Variants in GRIN2A observed in about 807,000 individuals in gnomAD.
GRIN2A encodes glutamate receptor ionotropic, NMDA 2A.
A neutral mutation model predicts 113.4 loss-of-function variants in GRIN2A; 22 were observed. That is an observed-to-expected ratio of 0.19 (90% CI 0.14 to 0.28). The LOEUF is 0.28. Ranked by LOEUF, GRIN2A falls within the 10% of genes least tolerant of loss-of-function variation. The pLI is 1.00. For missense variants in GRIN2A, 1,502 were observed against 1,887.0 expected, an observed-to-expected ratio of 0.80 and a Z score of 3.78; for synonymous variants, 827 against 738.4, an observed-to-expected ratio of 1.12 and a Z score of -1.94.
chr16:10,048,301 T>C (rs540876072), intron 2 of GRIN2A, among the ~76,000 whole-genome samples: 1 of 152,198 alleles, frequency 6.6e-6, no homozygotes, highest in Non-Finnish European at 1.5e-5. Flanking sequence ...TAAGCAATTA[T>C]TCCTTTTAAT....
intron 2 of GRIN2A, among the ~76,000 whole-genome samples, chr16:10,081,144 T>G (rs1159541424): frequency 6.6e-6 from 1 of 152,192 alleles, no homozygotes. Flanking sequence ...TTTCCGAGGC[T>G]CTTACATGCT....
At chr16:9,946,871 C>A (rs2045030084) in intron 2 of GRIN2A, among the ~76,000 whole-genome samples, 1 of 152,168 alleles carries the variant, frequency 6.6e-6, no homozygotes, top group African/African-American at 2.4e-5. Flanking sequence ...TCGAGAGTTA[C>A]CAAGTTCTGA....
chr16:9,817,834 G>A (rs1449017014), intron 10 of GRIN2A, among the ~76,000 whole-genome samples: 2 of 152,192 alleles, frequency 1.3e-5, no homozygotes, highest in Non-Finnish European at 2.9e-5. Flanking sequence ...ACGTGTGGGT[G>A]GAGCAGTGAG....
chr16:9,976,918 A>C (rs901765308), intron 2 of GRIN2A, among the ~76,000 whole-genome samples: 1 of 152,178 alleles, frequency 6.6e-6, no homozygotes, highest in African/African-American at 2.4e-5. Context: ...TGGAATACAA[A>C]ATAGTTTTCT....
chr16:9,867,060 C>T (rs527741029), intron 4 of GRIN2A, among the ~76,000 whole-genome samples: 6 of 152,088 alleles, frequency 3.9e-5, no homozygotes, highest in Non-Finnish European at 8.8e-5. Flanking sequence ...CAACTTAGAC[C>T]TCTTTATCCA....
chr16:9,857,043 T>A lies in GRIN2A; in HGVS notation c.1123-7082A>T, dbSNP rs558052129. 1.8e-4 allele frequency among the ~76,000 whole-genome samples: 27 copies of A among 152,304 alleles called. 1 individual carries two copies. The highest frequency in any genetic ancestry group is 1.3e-3 in the Admixed American group (20 of 15,304). ...GTGGTGTTCTACCTGTGTCGTCTTA[T>A]AACCTCGGTGTAATTATAAGAAAAC... On this transcript the variant is annotated intron_variant, in intron 4 of 12. Transcript: ENST00000330684.
intron 2 of GRIN2A, among the ~76,000 whole-genome samples, chr16:10,102,069 A>G (rs1341834670): frequency 6.6e-6 from 1 of 152,244 alleles, no homozygotes; most frequent in Non-Finnish European, 1.5e-5. Context: ...TCTAATCATC[A>G]CACGAACTCC....
chr16:9,901,896 G>A (rs1245934927), intron 3 of GRIN2A, among the ~76,000 whole-genome samples: 1 of 152,208 alleles, frequency 6.6e-6, no homozygotes, highest in African/African-American at 2.4e-5. Context: ...CCCTGAATAT[G>A]TGAGTAAGAG....
intron 2 of GRIN2A, among the ~76,000 whole-genome samples, chr16:10,004,863 G>A (rs1188379449): frequency 6.6e-6 from 1 of 152,158 alleles, no homozygotes; most frequent in Non-Finnish European, 1.5e-5. Flanking sequence ...TACTCACAAG[G>A]TCAAGGAATT....
At chr16:9,767,037 C>T (rs138719669) in intron 12 of GRIN2A, among the ~76,000 whole-genome samples, 429 of 152,312 alleles carry the variant, frequency 2.8e-3, no homozygotes, top group African/African-American at 9.7e-3. Flanking sequence ...TAGAAGTAAA[C>T]GCAACAGTGT....
At chr16:10,108,257 GAC>G (rs1476314879) in intron 2 of GRIN2A, among the ~76,000 whole-genome samples, 2 of 152,352 alleles carry the variant, frequency 1.3e-5, no homozygotes, top group African/African-American at 4.8e-5. Context: ...AGCAGGCAAA[GAC>G]AGAGAGCTTG....
At chr16:9,790,957 C>G (rs7206848) in intron 11 of GRIN2A, among the ~76,000 whole-genome samples, 12,101 of 152,208 alleles carry the variant, frequency 0.08, 1,558 homozygotes, top group African/African-American at 0.27. Flanking sequence ...TGGCCCAGGG[C>G]ACATGGAGAG....
At chr16:9,881,049 G>T (rs1239796082) in intron 4 of GRIN2A, among the ~76,000 whole-genome samples, 4 of 152,150 alleles carry the variant, frequency 2.6e-5, no homozygotes, top group African/African-American at 9.7e-5. Context: ...ACAAATAAGT[G>T]TGTGAATAAA....
intron 3 of GRIN2A, among the ~76,000 whole-genome samples, chr16:9,905,734 G>A (rs2044014517): frequency 6.6e-6 from 1 of 152,006 alleles, no homozygotes; most frequent in Non-Finnish European, 1.5e-5. Context: ...TTGTTTCCCT[G>A]GCCATAAAAA....
intron 4 of GRIN2A, among the ~76,000 whole-genome samples, chr16:9,878,096 C>G (rs2043407684): frequency 6.6e-6 from 1 of 152,038 alleles, no homozygotes; most frequent in African/African-American, 2.4e-5. Flanking sequence ...CAATGGAAAA[C>G]TAGCAAGGGT....
intron 4 of GRIN2A, among the ~76,000 whole-genome samples, chr16:9,886,995 C>G (rs1415846737): frequency 6.6e-6 from 1 of 152,164 alleles, no homozygotes; most frequent in East Asian, 1.9e-4. Flanking sequence ...TCAAGTGATT[C>G]TCCTGCCTCA....
At chr16:10,089,037 TG>T (rs2048136256) in intron 2 of GRIN2A, among the ~76,000 whole-genome samples, 1 of 152,220 alleles carries the variant, frequency 6.6e-6, no homozygotes, top group African/African-American at 2.4e-5. Context: ...ATCTAAAAAA[TG>T]GGATGACAAT....
intron 4 of GRIN2A, among the ~76,000 whole-genome samples, chr16:9,885,229 T>C (rs1409523669): frequency 6.6e-6 from 1 of 152,078 alleles, no homozygotes; most frequent in Non-Finnish European, 1.5e-5. Flanking sequence ...GTGGCATTGG[T>C]TGTACTAGCC....
chr16:9,887,888 C>T (rs1005720796), intron 4 of GRIN2A, among the ~76,000 whole-genome samples: 3 of 152,154 alleles, frequency 2.0e-5, no homozygotes, highest in African/African-American at 4.8e-5. Context: ...GTGCAACTAT[C>T]TCTACCAAAA....
Sources: allele counts gnomAD v4.1 joint callset (sites outside exome capture counted in the v4.1 genomes callset), GRCh38; gene constraint gnomAD v4.1.1; transcripts MANE v1.5; gene names NCBI Gene and HGNC (gene_info 2026-07-23, HGNC 2026-07-21).